RTN3: variants seen among roughly 807,000 people sequenced by gnomAD.
RTN3 encodes the protein reticulon 3.
In RTN3, 49 loss-of-function variants were observed where a neutral mutation model predicts 77.8. The ratio of observed to expected loss-of-function variants is 0.63; its 90% CI spans 0.50 to 0.80. The LOEUF (loss-of-function observed/expected upper bound fraction) is 0.80, where lower values mean the gene tolerates loss of function less well. Ranked by LOEUF, RTN3 falls within the 30% of genes least tolerant of loss-of-function variation. The pLI is 0.00. For synonymous variants in RTN3, 464 were observed against 446.9 expected, an observed-to-expected ratio of 1.04 and a Z score of -0.48; for missense variants, 1,236 against 1,211.9, an observed-to-expected ratio of 1.02 and a Z score of -0.29.
chr11:63,739,953 A>G (rs2013359546), intron 3 of RTN3, among the ~76,000 whole-genome samples: 1 of 152,184 alleles, frequency 6.6e-6, no homozygotes, highest in African/African-American at 2.4e-5. Flanking sequence ...TCAGGGAAGA[A>G]TGTCAGTCAG....
intron 2 of RTN3, among the ~76,000 whole-genome samples, chr11:63,709,601 A>G (rs1466002043): frequency 1.3e-5 from 2 of 152,144 alleles, no homozygotes; most frequent in Non-Finnish European, 2.9e-5. Flanking sequence ...AAAAAAAGAA[A>G]AACATTTTTC....
intron 3 of RTN3, among the ~76,000 whole-genome samples, chr11:63,738,995 C>T (rs112610936): frequency 1.3e-5 from 2 of 151,928 alleles, no homozygotes; most frequent in African/African-American, 4.8e-5. Flanking sequence ...ATAACAGGGA[C>T]AAGAAATAGA....
chr11:63,700,027 T>TAG (rs1231585616), intron 1 of RTN3, among the ~76,000 whole-genome samples: 3 of 152,256 alleles, frequency 2.0e-5, no homozygotes, highest in African/African-American at 7.2e-5. Flanking sequence ...CATTACCAGT[T>TAG]ATCTGTGTTC....
At chr11:63,728,273 C>G (rs1320848463) in intron 3 of RTN3, among the ~76,000 whole-genome samples, 1 of 152,130 alleles carries the variant, frequency 6.6e-6, no homozygotes, top group African/African-American at 2.4e-5. Context: ...CATGCAGTGC[C>G]CATATGACTG....
intron 3 of RTN3, among the ~76,000 whole-genome samples, chr11:63,744,660 C>A (rs533209961): frequency 6.6e-6 from 1 of 152,096 alleles, no homozygotes; most frequent in Non-Finnish European, 1.5e-5. Context: ...CTGTACTATA[C>A]TCAGCCAGAA....
intron 3 of RTN3, among the ~76,000 whole-genome samples, chr11:63,724,386 T>C (rs561388511): frequency 3.4e-4 from 51 of 148,050 alleles, no homozygotes; most frequent in Non-Finnish European, 6.7e-4. Flanking sequence ...GGTTTCACCA[T>C]GTTAGCCAGG....
intron 8 of RTN3, among the ~76,000 whole-genome samples, chr11:63,757,691 G>A (rs1025934334): frequency 1.5e-4 from 23 of 150,238 alleles, no homozygotes; most frequent in African/African-American, 5.4e-4. Flanking sequence ...TGAACCTAAC[G>A]CTTTGAATTT....
chr11:63,711,377 G>GT (rs1440149574), intron 2 of RTN3, among the ~76,000 whole-genome samples: 1 of 148,922 alleles, frequency 6.7e-6, no homozygotes. Context: ...TGTTTTTTGG[G>GT]TTTTTTATTT....
chr11:63,735,563 T>TCTCTCTCTCTCC (rs1565334192), intron 3 of RTN3, among the ~76,000 whole-genome samples: 11 of 139,544 alleles, frequency 7.9e-5, no homozygotes, highest in Admixed American at 7.3e-4. Context: ...TCTCTCTCTC[T>TCTCTCTCTCTCC]CTCTCTCTCT....
At chr11:63,752,668 G>C (rs775292299) in intron 5 of RTN3, 23 bp downstream of exon 5, 18 of 1,610,394 alleles carry the variant, frequency 1.1e-5, no homozygotes, top group Non-Finnish European at 1.5e-5. Context: ...TGCAGCTCTT[G>C]GTGGTAAAAC....
rs116911622 is a variant in RTN3, at chr11:63,683,812, T to C, written c.142+2034T>C. Among the ~76,000 whole-genome samples the C allele has an allele frequency of 2.6e-3, 398 of 152,276 alleles. 1 individual carries two copies. The highest frequency in any genetic ancestry group is 4.0e-3 in the Non-Finnish European group (269 of 68,028). The stretch of plus-strand genomic sequence containing the variant: ...AATAGTGGAAAAGGTGCTGAAATTA[T>C]GTGTTTTGTCGAAAGTAGTAGAATT... On this transcript the variant is annotated intron_variant, in intron 1 of 8. Transcript: ENST00000377819.
At position 63,723,172 on chromosome 11, in the gene RTN3, T is replaced by C. The variant is rs546603757; in HGVS notation, c.2530+2140T>C. Among the ~76,000 whole-genome samples, 6 of 152,310 alleles carry C rather than the reference T, an allele frequency of 3.9e-5. 1 individual carries two copies. The South Asian group carries it at 1.2e-3, about 32-fold the overall frequency. On this transcript the variant is annotated intron_variant, in intron 3 of 8. Coordinates refer to ENST00000377819, the MANE Select transcript of RTN3 (RefSeq NM_001265589.2). ...TAAAGGGCTATGGAAGTTCAGGATA[T>C]TTGTCACTGACCAAAGTCTATGATT...
chr11:63,734,674 A>T (rs1443804491), intron 3 of RTN3, among the ~76,000 whole-genome samples: 1 of 150,784 alleles, frequency 6.6e-6, no homozygotes, highest in African/African-American at 2.4e-5. Context: ...GGAGGTTGCA[A>T]TGAGCCGAGT....
chr11:63,689,284 T>G (rs1941533221), intron 1 of RTN3, among the ~76,000 whole-genome samples: 1 of 152,254 alleles, frequency 6.6e-6, no homozygotes, highest in Non-Finnish European at 1.5e-5. Context: ...AATTGACTTA[T>G]TCAGAAGTTG....
chr11:63,709,988 T>C (rs1429976825), intron 2 of RTN3, among the ~76,000 whole-genome samples: 1 of 152,206 alleles, frequency 6.6e-6, no homozygotes, highest in Non-Finnish European at 1.5e-5. Flanking sequence ...TTTACTCTTT[T>C]TAGGAAGAAC....
Position 63,719,771 on chromosome 11 carries a change from C to T in RTN3, c.1269C>T (p.Asp423=). ...ENAITGKPVP[D]SLNSTKEFSI... ...CTATTACTGGAAAACCTGTACCTGA[C>T]TCTTTGAATTCCACAAAAGAATTCA... The change falls in exon 3 of 9, where the codon GAC becomes GAT. Residue 423 remains aspartate, a synonymous_variant. Transcript: ENST00000377819. 1.9e-6 allele frequency: 3 copies of T among 1,614,186 alleles called. No homozygotes were observed. Among genetic ancestry groups the T allele is most frequent in the Non-Finnish European group, 2.5e-6 (3 of 1,180,040 alleles).
chr11:63,747,290 T>TA (rs1301231507), intron 3 of RTN3, among the ~76,000 whole-genome samples: 1 of 152,232 alleles, frequency 6.6e-6, no homozygotes, highest in Non-Finnish European at 1.5e-5. Context: ...TCCTTGTAGT[T>TA]ATATGAATTC....
At position 63,681,692 on chromosome 11, in the gene RTN3, G is replaced by C. The variant is rs763977377; in HGVS notation, c.56G>C (p.Gly19Ala). ...CATTCCATCTCCTCGTCGTCCTTCG[G>C]AGCCGAGCCGTCCGCGCCCGGCGGC... ...QSHSISSSSFGAEPSAPGGGG... is the reference protein window; with the variant it reads ...QSHSISSSSFAAEPSAPGGGG... The change falls in exon 1 of 9, where the codon GGA (glycine) becomes GCA (alanine). Residue 19 changes from glycine to alanine, a missense_variant. By Grantham distance (60) the Gly-to-Ala change is moderately conservative. Around this residue, in one of 3 missense-constraint regions of RTN3, gnomAD observed 1,056 missense variants for 990.4 expected, o/e 1.07. Coordinates refer to ENST00000377819, the MANE Select transcript of RTN3 (RefSeq NM_001265589.2). 2.3e-5 allele frequency: 37 copies of C among 1,611,378 alleles called. No individual in the cohort carries two copies. The highest frequency in any genetic ancestry group is 3.3e-5 in the South Asian group (3 of 90,910).
At chr11:63,725,995 A>C (rs2012234880) in intron 3 of RTN3, among the ~76,000 whole-genome samples, 1 of 152,240 alleles carries the variant, frequency 6.6e-6, no homozygotes, top group Non-Finnish European at 1.5e-5. Flanking sequence ...CAAGGAATAC[A>C]AAATAATTCC....
Sources: gnomAD v4.1 joint callset for allele counts (sites outside exome capture counted in the v4.1 genomes callset) on GRCh38, gnomAD v4.1.1 for gene constraint, gnomAD v4.1.1 regional missense constraint, MANE v1.5 for transcripts, NCBI Gene and HGNC (gene_info 2026-07-23, HGNC 2026-07-21) for gene names.